Variants in PDE4D observed in about 807,000 individuals in gnomAD.
The protein encoded by PDE4D is 3',5'-cyclic-AMP phosphodiesterase 4D.
PDE4D carries 24 observed loss-of-function variants against 87.4 expected under a neutral mutation model. That is an observed-to-expected ratio of 0.27 (90% CI 0.20 to 0.39). The LOEUF is 0.39. PDE4D is among the 10% of genes least tolerant of loss of function. The pLI is 1.00. For missense variants in PDE4D, 714 were observed against 1,041.0 expected, an observed-to-expected ratio of 0.69 and a Z score of 4.32; for synonymous variants, 384 against 383.2, an observed-to-expected ratio of 1.00 and a Z score of -0.02.
intron 1 of PDE4D, among the ~76,000 whole-genome samples, chr5:60,454,284 C>T (rs1222417128): frequency 6.6e-6 from 1 of 152,122 alleles, no homozygotes; most frequent in African/African-American, 2.4e-5. Flanking sequence ...TTTGACCCAG[C>T]AATCCCATTA....
chr5:59,483,594 A>C (rs1046619279), intron 1 of PDE4D, among the ~76,000 whole-genome samples: 3 of 152,136 alleles, frequency 2.0e-5, no homozygotes, highest in Non-Finnish European at 4.4e-5. Flanking sequence ...GCTGATACTA[A>C]GGTAATGCCC....
chr5:60,513,912 T>A (rs1407744692), intron 1 of PDE4D, among the ~76,000 whole-genome samples: 1 of 150,632 alleles, frequency 6.6e-6, no homozygotes, highest in Non-Finnish European at 1.5e-5. Context: ...TATATTTCAA[T>A]AAATTATATA....
chr5:59,771,471 AAGAAAGAAAGAAAGAG>A (rs1395197795), intron 1 of PDE4D, among the ~76,000 whole-genome samples: 11 of 80,292 alleles, frequency 1.4e-4, no homozygotes, highest in African/African-American at 5.6e-4. Flanking sequence ...GAAAGAAAGA[AAGAAAGAAAGAAAGAG>A]AGAGAGAGAG....
intron 1 of PDE4D, among the ~76,000 whole-genome samples, chr5:59,341,414 G>T (rs1374672905): frequency 6.6e-6 from 1 of 152,076 alleles, no homozygotes. Flanking sequence ...CCTTATAATA[G>T]TCCACACCAC....
At chr5:59,810,717 G>T (rs1768254334) in intron 1 of PDE4D, among the ~76,000 whole-genome samples, 2 of 152,178 alleles carry the variant, frequency 1.3e-5, no homozygotes, top group African/African-American at 2.4e-5. Flanking sequence ...TATTTTGCTA[G>T]CTCCCTCGTT....
At chr5:59,005,560 A>T (rs193290244) in intron 6 of PDE4D, among the ~76,000 whole-genome samples, 1 of 152,330 alleles carries the variant, frequency 6.6e-6, no homozygotes, top group East Asian at 1.9e-4. Flanking sequence ...ATAATTTAGA[A>T]GAGAAATTTG....
intron 2 of PDE4D, among the ~76,000 whole-genome samples, chr5:60,073,056 G>A (rs1772897689): frequency 6.6e-6 from 1 of 152,112 alleles, no homozygotes; most frequent in African/African-American, 2.4e-5. Context: ...ATGTTGAATA[G>A]GAGTGGTGAG....
At chr5:60,264,901 A>T (rs1422322228) in intron 1 of PDE4D, among the ~76,000 whole-genome samples, 1 of 152,194 alleles carries the variant, frequency 6.6e-6, no homozygotes, top group Non-Finnish European at 1.5e-5. Context: ...TCACTCATTC[A>T]TTTATCCAAC....
At chr5:59,902,803 T>C (rs1404563705) in intron 3 of PDE4D, among the ~76,000 whole-genome samples, 1 of 152,122 alleles carries the variant, frequency 6.6e-6, no homozygotes, top group Non-Finnish European at 1.5e-5. Context: ...AGGCCAGTCG[T>C]CAACACTGTA....
chr5:60,173,268 C>G (rs1022815825), intron 2 of PDE4D, among the ~76,000 whole-genome samples: 3 of 151,916 alleles, frequency 2.0e-5, no homozygotes, highest in Non-Finnish European at 4.4e-5. Flanking sequence ...GCTAACTCAC[C>G]TAATCTGTCT....
chr5:59,802,402 T>C (rs544713621), intron 1 of PDE4D, among the ~76,000 whole-genome samples: 2 of 146,820 alleles, frequency 1.4e-5, no homozygotes, highest in East Asian at 2.0e-4. Flanking sequence ...TATTCTTTTT[T>C]TTTTTTTTTT....
chr5:59,864,372 A>G (rs1427114510), intron 1 of PDE4D, among the ~76,000 whole-genome samples: 1 of 152,216 alleles, frequency 6.6e-6, no homozygotes, highest in East Asian at 1.9e-4. Flanking sequence ...TTTGGCTGTA[A>G]CCTGCATGTA....
chr5:60,309,120 T>C (rs1583374376), intron 1 of PDE4D, among the ~76,000 whole-genome samples: 1 of 152,104 alleles, frequency 6.6e-6, no homozygotes, highest in South Asian at 2.1e-4. Flanking sequence ...TTAAATATTG[T>C]GATGGGTGAG....
At chr5:59,272,333 A>C (rs2153541898) in intron 1 of PDE4D, among the ~76,000 whole-genome samples, 1 of 152,200 alleles carries the variant, frequency 6.6e-6, no homozygotes, top group East Asian at 1.9e-4. Flanking sequence ...GGAAATGTTT[A>C]TAAATGTTTA....
At chr5:60,105,599 G>C (rs189806284) in intron 2 of PDE4D, among the ~76,000 whole-genome samples, 4 of 152,200 alleles carry the variant, frequency 2.6e-5, no homozygotes, top group East Asian at 1.9e-4. Context: ...AAAATGTTAA[G>C]GGCAGCCAGA....
At chr5:60,357,905 C>A (rs926234681) in intron 1 of PDE4D, among the ~76,000 whole-genome samples, 1 of 152,202 alleles carries the variant, frequency 6.6e-6, no homozygotes, top group Admixed American at 6.5e-5. Flanking sequence ...CCACTTACCA[C>A]ATATATGCAG....
At chr5:60,189,637 A>C (rs1379518346) in intron 1 of PDE4D, among the ~76,000 whole-genome samples, 2 of 152,234 alleles carry the variant, frequency 1.3e-5, no homozygotes, top group Non-Finnish European at 2.9e-5. Flanking sequence ...ATATTAGAGA[A>C]GCTACTGAAC....
chr5:60,000,740 T>C (rs980099672), intron 2 of PDE4D, among the ~76,000 whole-genome samples: 6 of 152,210 alleles, frequency 3.9e-5, no homozygotes, highest in Non-Finnish European at 8.8e-5. Flanking sequence ...TGTTAACAAA[T>C]GCAAAATATA....
intron 6 of PDE4D, among the ~76,000 whole-genome samples, chr5:58,994,540 AGCCTT>A (rs1398894476): frequency 6.6e-6 from 1 of 152,236 alleles, no homozygotes; most frequent in Non-Finnish European, 1.5e-5. Flanking sequence ...TCATCAGATT[AGCCTT>A]TAAAATTTGA....
Sources: allele counts gnomAD v4.1 joint callset (sites outside exome capture counted in the v4.1 genomes callset), GRCh38; gene constraint gnomAD v4.1.1; transcripts MANE v1.5; gene names NCBI Gene and HGNC (gene_info 2026-07-23, HGNC 2026-07-21).